The following HSPA4 variants were observed in gnomAD, a reference collection of about 807,000 sequenced individuals.
HSPA4 encodes heat shock protein family A (Hsp70) member 4.
HSPA4 carries 25 observed loss-of-function variants against 106.2 expected under a neutral mutation model. That is an observed-to-expected ratio of 0.24 (90% CI 0.17 to 0.33). The LOEUF (loss-of-function observed/expected upper bound fraction) is 0.33, where lower values mean the gene tolerates loss of function less well. HSPA4 is among the 10% of genes least tolerant of loss of function. The pLI is 1.00. For missense variants in HSPA4, 841 were observed against 996.0 expected (o/e 0.84, Z 2.10); for synonymous variants, 332 against 333.6 (o/e 1.00, Z 0.05).
intron 1 of HSPA4, among the ~76,000 whole-genome samples, chr5:133,060,886 T>A (rs910592442): frequency 6.0e-5 from 9 of 150,238 alleles, no homozygotes; most frequent in African/African-American, 2.2e-4. Flanking sequence ...GTGGCATGAT[T>A]TTAGCTCACT....
At position 133,089,563 on chromosome 5, in the gene HSPA4, G is replaced by T. The variant is rs779220510; in HGVS notation, c.1246G>T (p.Asp416Tyr). 2 of 1,612,726 alleles carry T rather than the reference G, an allele frequency of 1.2e-6. No individual in the cohort carries two copies. Among genetic ancestry groups the T allele is most frequent in the South Asian group, 2.2e-5 (2 of 90,970 alleles). The change falls in exon 11 of 19, where the codon GAC becomes TAC. Residue 416 changes from aspartate (D) to tyrosine (Y), a missense_variant and splice_region_variant. Coordinates refer to ENST00000304858, the MANE Select transcript of HSPA4 (RefSeq NM_002154.4). The stretch of plus-strand genomic sequence containing the variant: ...TTTTTGTCTTTTTCCTCCATTCAGT[G>T]ACTGTGAAGTCTTTTCCAAAAATCA... ...WNSPAEEGSSDCEVFSKNHAA... is the reference protein window; with the variant it reads ...WNSPAEEGSSYCEVFSKNHAA...
chr5:133,086,918 T>C, intron 8 of HSPA4, 60 bp downstream of exon 8: 2 of 1,268,000 alleles, frequency 1.6e-6, no homozygotes, highest in South Asian at 2.5e-5. Context: ...AATTGTTATT[T>C]ATTATCTTAC....
At chr5:133,084,553 C>T (rs1487897745) in intron 7 of HSPA4, among the ~76,000 whole-genome samples, 1 of 152,040 alleles carries the variant, frequency 6.6e-6, no homozygotes, top group Admixed American at 6.6e-5. Flanking sequence ...TCACTGCAAC[C>T]TCTGCCTTCC....
intron 3 of HSPA4, among the ~76,000 whole-genome samples, chr5:133,068,498 C>CA (rs985327328): frequency 2.8e-4 from 42 of 151,708 alleles, no homozygotes; most frequent in Middle Eastern, 3.4e-3. Context: ...TTTTGGAGGC[C>CA]AAGAATCAGG....
chr5:133,104,297 A>C lies in HSPA4; in HGVS notation c.2384A>C (p.Glu795Ala), dbSNP rs1765827137. Reference sequence around the variant, plus strand: ...AAACCCAAAGTGGAACCTCCAAAAGAGGAACAAAAAAATGCAGAGCAGAAT... The same window carrying C: ...AAACCCAAAGTGGAACCTCCAAAAGCGGAACAAAAAAATGCAGAGCAGAAT... ...KPKPKVEPPKEEQKNAEQNGP... is the reference protein window; with the variant it reads ...KPKPKVEPPKAEQKNAEQNGP... The change falls in exon 19 of 19, where the codon GAG becomes GCG. Residue 795 changes from glutamate (E) to alanine (A), a missense_variant. Physicochemically the swap from Glu to Ala is moderately radical, Grantham distance 107. This residue lies in a region of HSPA4 where 328 missense variants were observed against 372.2 expected (regional missense o/e 0.88). Transcript: ENST00000304858. The C allele has an allele frequency of 6.2e-7, 1 of 1,614,062 alleles. No homozygotes were observed. Among genetic ancestry groups the C allele is most frequent in the African/African-American group, 1.3e-5 (1 of 74,920 alleles).
chr5:133,093,861 G>A (rs1400792705), intron 13 of HSPA4, among the ~76,000 whole-genome samples: 2 of 152,248 alleles, frequency 1.3e-5, no homozygotes, highest in Non-Finnish European at 1.5e-5. Flanking sequence ...TTGAGAGGCC[G>A]AGGTGGGTGG....
At chr5:133,087,899 C>G (rs1244911250) in intron 8 of HSPA4, among the ~76,000 whole-genome samples, 1 of 152,208 alleles carries the variant, frequency 6.6e-6, no homozygotes, top group African/African-American at 2.4e-5. Context: ...ACTGGGATTA[C>G]AAGCATGAGC....
intron 6 of HSPA4, among the ~76,000 whole-genome samples, 167 bp downstream of exon 6, chr5:133,074,293 T>G (rs1024970361): frequency 1.3e-5 from 2 of 151,926 alleles, no homozygotes; most frequent in Non-Finnish European, 2.9e-5. Context: ...CTTTTTTTTT[T>G]TTGAGATAGA....
chr5:133,086,523 G>T (rs1367464519), intron 7 of HSPA4, among the ~76,000 whole-genome samples: 3 of 152,172 alleles, frequency 2.0e-5, no homozygotes, highest in Admixed American at 6.5e-5. Flanking sequence ...TGTGTTTTCT[G>T]TTCTTTTGGC....
chr5:133,074,839 T>TG (rs1765427461), intron 6 of HSPA4, among the ~76,000 whole-genome samples: 1 of 152,218 alleles, frequency 6.6e-6, no homozygotes, highest in South Asian at 2.1e-4. Flanking sequence ...TGCTGGTTTA[T>TG]GCTAGTTCCA....
Position 133,060,068 on chromosome 5 carries a change from C to CTTTTTTT in HSPA4, c.108-4907_108-4901dup, listed in dbSNP as rs370182052. On this transcript the variant is annotated intron_variant, in intron 1 of 18. Coordinates refer to ENST00000304858, the MANE Select transcript of HSPA4 (RefSeq NM_002154.4). ...AACTGATTGTGGTATATCAGTTTTA[C>CTTTTTTT]TTTTTTTTTTTAGGACTTACTAGAT... Among the ~76,000 whole-genome samples, 11 of 146,132 alleles carry CTTTTTTT rather than the reference C, an allele frequency of 7.5e-5. 2 individuals carry two copies. The highest frequency in any genetic ancestry group is 1.3e-4 in the Non-Finnish European group (9 of 66,692).
intron 12 of HSPA4, among the ~76,000 whole-genome samples, 190 bp from the exon 13 acceptor site, chr5:133,092,510 G>C (rs186771824): frequency 1.2e-4 from 18 of 152,286 alleles, no homozygotes; most frequent in Non-Finnish European, 2.4e-4. Context: ...TCATTGTACA[G>C]ATGTATTAAC....
chr5:133,079,654 C>T (rs1010464958), intron 7 of HSPA4, among the ~76,000 whole-genome samples: 1 of 152,142 alleles, frequency 6.6e-6, no homozygotes, highest in Non-Finnish European at 1.5e-5. Flanking sequence ...GAATTGCTGG[C>T]TTATACAGCA....
rs952338056 is a variant in HSPA4 at position 133,074,146 on chromosome 5, C to G, written c.663+20C>G. 5.2e-6 allele frequency: 8 copies of G among 1,527,844 alleles called. No homozygotes were observed. The highest frequency in any genetic ancestry group is 6.2e-6 in the Non-Finnish European group (7 of 1,124,218). The allele number at this position is 1,527,844 out of a possible 1,614,324, so 94.6% of individuals were successfully genotyped here. The stretch of plus-strand genomic sequence containing the variant: ...CTGAAAGTAAGTATATATTTTTTTT[C>G]CAGAAGACTGTTAGTAGTATGGTAA... On this transcript the variant is annotated intron_variant, in intron 6 of 18. Coordinates refer to ENST00000304858, the MANE Select transcript of HSPA4 (RefSeq NM_002154.4).
At chr5:133,082,541 C>G (rs1004325277) in intron 7 of HSPA4, among the ~76,000 whole-genome samples, 2 of 152,164 alleles carry the variant, frequency 1.3e-5, no homozygotes. Context: ...TCTCCGCTCA[C>G]TGCAGCCTCA....
intron 13 of HSPA4, among the ~76,000 whole-genome samples, chr5:133,095,192 C>T (rs1765695477): frequency 6.6e-6 from 1 of 152,240 alleles, no homozygotes; most frequent in East Asian, 1.9e-4. Flanking sequence ...ATCCCAGCTA[C>T]TCAGGAGGCT....
chr5:133,088,450 T>C lies in HSPA4; in HGVS notation c.1032T>C (p.Ala344=), dbSNP rs757705343. The part of the protein sequence containing the change: ...DIYAVEIVGG[A]TRIPAVKEKI... ...ATGCAGTGGAGATAGTTGGTGGTGC[T>C]ACACGAATCCCTGCGGTAAAAGAGA... The change falls in exon 9 of 19, where the codon GCT becomes GCC. Residue 344 remains alanine (A), a synonymous_variant. Transcript: ENST00000304858. The C allele has an allele frequency of 2.5e-6, 4 of 1,612,538 alleles. No individual in the cohort carries two copies. In the African/African-American group the frequency reaches 4.0e-5, roughly 16 times the overall value.
In HSPA4 at chr5:133,052,028, C is replaced by G. The variant is rs953165826; in HGVS notation, c.-223C>G. On this transcript the variant is annotated 5_prime_UTR_variant, in exon 1 of 19. Coordinates refer to ENST00000304858, the MANE Select transcript of HSPA4 (RefSeq NM_002154.4). ...GAGATCTTTCGAGATCTTCTCCGCC[C>G]CCGCTACCGGCGCCTCCTCTGCGGC... is the stretch of plus-strand genomic sequence containing the variant. 9.2e-6 allele frequency: 5 copies of G among 542,184 alleles called. No homozygotes were observed. The highest frequency in any genetic ancestry group is 1.6e-5 in the Non-Finnish European group (5 of 306,036). 33.6% of individuals were successfully genotyped at this position (542,184 alleles called of 1,614,324 possible). A position where few individuals can be genotyped will look rare whatever the true frequency, so the allele number is the denominator to read the frequency against.
chr5:133,078,465 T>C (rs1458133852), intron 7 of HSPA4, among the ~76,000 whole-genome samples: 1 of 151,414 alleles, frequency 6.6e-6, no homozygotes, highest in Non-Finnish European at 1.5e-5. Flanking sequence ...TGAAACTCTT[T>C]CTCTACTAAA....
Sources: gnomAD v4.1 joint callset for allele counts (sites outside exome capture counted in the v4.1 genomes callset) on GRCh38, gnomAD v4.1.1 for gene constraint, gnomAD v4.1.1 regional missense constraint, MANE v1.5 for transcripts, NCBI Gene and HGNC (gene_info 2026-07-23, HGNC 2026-07-21) for gene names.